The following HAUS1 variants were observed in gnomAD, a reference collection of about 807,000 sequenced individuals.
HAUS1 encodes HAUS augmin like complex subunit 1.
HAUS1 carries 25 observed loss-of-function variants against 38.6 expected under a neutral mutation model. The ratio of observed to expected loss-of-function variants is 0.65; its 90% CI spans 0.47 to 0.91. The LOEUF (loss-of-function observed/expected upper bound fraction) is 0.91. Among genes scored for constraint, HAUS1 ranks in the 40% least tolerant of loss-of-function variants. HAUS1 has a pLI of 0.00. For missense variants in HAUS1, 325 were observed against 328.4 expected (o/e 0.99, Z 0.08); for synonymous variants, 109 against 112.9 (o/e 0.97, Z 0.22).
At chr18:46,118,444 A>G in intron 3 of HAUS1, 128 bp downstream of exon 3, 2 of 794,032 alleles carry the variant, frequency 2.5e-6, no homozygotes, top group East Asian at 2.6e-5. Context: ...TAGTTACTTC[A>G]TGTCTTTGCC....
chr18:46,112,284 T>C (rs934983402), intron 2 of HAUS1, among the ~76,000 whole-genome samples: 3 of 132,250 alleles, frequency 2.3e-5, no homozygotes, highest in Admixed American at 8.2e-5. Flanking sequence ...ATATATAATA[T>C]ATAATGTGTA....
chr18:46,113,336 CA>C (rs1302688667), intron 2 of HAUS1, among the ~76,000 whole-genome samples: 1 of 151,940 alleles, frequency 6.6e-6, no homozygotes, highest in Non-Finnish European at 1.5e-5. Context: ...CTTGGCCTCC[CA>C]AAGTGCTGGG....
rs1305035588 is a variant in HAUS1, at chr18:46,122,532, A to G, written c.542A>G (p.Asn181Ser). Residue 181 changes from asparagine (N) to serine (S), a missense_variant, in exon 5 of 9, where the codon AAC (asparagine) becomes AGC (serine). Transcript: ENST00000282058. ...ERAKVDNRRQ[N>S]MDFLKAKSEE... ...GCCAAAGTTGATAATCGTCGTCAGA[A>G]CATGGACTTTCTAAAAGCAAAGTCA... 20 of 1,614,052 alleles carry G rather than the reference A, an allele frequency of 1.2e-5. No individual in the cohort carries two copies. The highest frequency in any genetic ancestry group is 1.7e-5 in the Non-Finnish European group (20 of 1,180,012).
At chr18:46,120,401 A>T in intron 4 of HAUS1, among the ~76,000 whole-genome samples, 1 of 150,668 alleles carries the variant, frequency 6.6e-6, no homozygotes, top group Non-Finnish European at 1.5e-5. Context: ...TGCCCAGCTA[A>T]TTTTGTATTT....
intron 6 of HAUS1, among the ~76,000 whole-genome samples, chr18:46,123,728 G>A (rs1388512314): frequency 6.6e-6 from 1 of 152,100 alleles, no homozygotes; most frequent in Non-Finnish European, 1.5e-5. Context: ...GTTACCAAAT[G>A]CAATTCTGGG....
chr18:46,122,021 T>C (rs9954133), intron 4 of HAUS1, among the ~76,000 whole-genome samples: 24,303 of 151,968 alleles, frequency 0.16, 2,723 homozygotes, highest in East Asian at 0.39. Context: ...TTTGTATTTT[T>C]AGTAAAGACA....
intron 8 of HAUS1, chr18:46,126,788 C>A (rs1323301330): frequency 6.7e-6 from 1 of 150,136 alleles, no homozygotes; most frequent in Admixed American, 6.7e-5. Context: ...CCATGCCTGG[C>A]TAATTTTTGC....
chr18:46,112,046 C>T (rs1413716328), intron 2 of HAUS1, among the ~76,000 whole-genome samples: 3 of 150,098 alleles, frequency 2.0e-5, no homozygotes, highest in East Asian at 2.0e-4. Context: ...CCACCACACC[C>T]GGCTAACTTT....
chr18:46,106,219 C>T (rs1245885040), intron 2 of HAUS1, among the ~76,000 whole-genome samples: 1 of 151,974 alleles, frequency 6.6e-6, no homozygotes, highest in Non-Finnish European at 1.5e-5. Context: ...GCCTGTAATC[C>T]CAGCACTTTG....
At chr18:46,121,637 A>G (rs1486826514) in intron 4 of HAUS1, 1 of 151,970 alleles carries the variant, frequency 6.6e-6, no homozygotes, top group Non-Finnish European at 1.5e-5. Flanking sequence ...CACTTCACAA[A>G]TTTACCCATC....
intron 2 of HAUS1, among the ~76,000 whole-genome samples, chr18:46,115,820 G>C (rs1911782811): frequency 6.6e-6 from 1 of 152,038 alleles, no homozygotes; most frequent in Admixed American, 6.6e-5. Context: ...ACACCATCAA[G>C]AATATGAAAA....
In HAUS1 at chr18:46,122,558, G is replaced by T; in HGVS notation, c.568G>T (p.Glu190Ter). 6.2e-7 allele frequency: 1 copy of T among 1,614,160 alleles called. No individual in the cohort carries two copies. The highest frequency in any genetic ancestry group is 8.5e-7 in the Non-Finnish European group (1 of 1,179,998). ...CATGGACTTTCTAAAAGCAAAGTCA[G>T]AGGAATTCAGATTTGGAATCAAGGC... ...QNMDFLKAKS[E>*]EFRFGIKAAE... The change falls in exon 5 of 9, where the codon GAG becomes TAG. Residue 190 changes from glutamate (E) to a stop codon, truncating the protein, a stop_gained. Coordinates refer to ENST00000282058, the MANE Select transcript of HAUS1 (RefSeq NM_138443.4). LOFTEE classifies it high-confidence loss of function.
chr18:46,113,392 C>G (rs1441474636), intron 2 of HAUS1, among the ~76,000 whole-genome samples: 1 of 152,044 alleles, frequency 6.6e-6, no homozygotes, highest in Non-Finnish European at 1.5e-5. Context: ...TATCTTTGAT[C>G]TATCTTCAAG....
At chr18:46,118,430 A>T in intron 3 of HAUS1, 114 bp downstream of exon 3, 5 of 925,866 alleles carry the variant, frequency 5.4e-6, no homozygotes, top group Non-Finnish European at 8.3e-6. Flanking sequence ...CAAAGCACTG[A>T]ATTTAGTTAC....
intron 2 of HAUS1, among the ~76,000 whole-genome samples, chr18:46,108,994 C>T (rs1911548611): frequency 6.7e-6 from 1 of 150,238 alleles, no homozygotes; most frequent in African/African-American, 2.5e-5. Context: ...TGGCATGAAC[C>T]TGGGAGGTGG....
chr18:46,113,200 C>G (rs368120639), intron 2 of HAUS1, among the ~76,000 whole-genome samples: 1 of 150,540 alleles, frequency 6.6e-6, no homozygotes, highest in East Asian at 1.9e-4. Flanking sequence ...CCTCAGTCTC[C>G]CAAGTAGCTG....
intron 7 of HAUS1, among the ~76,000 whole-genome samples, 172 bp downstream of exon 7, chr18:46,125,065 G>C (rs1311857640): frequency 6.6e-6 from 1 of 152,118 alleles, no homozygotes; most frequent in African/African-American, 2.4e-5. Flanking sequence ...TTAGAGACCA[G>C]CTTGGCTAAT....
At chr18:46,108,678 A>G (rs760798785) in intron 2 of HAUS1, among the ~76,000 whole-genome samples, 1 of 152,100 alleles carries the variant, frequency 6.6e-6, no homozygotes, top group Non-Finnish European at 1.5e-5. Context: ...GTTTGATTTC[A>G]TCTTTACCTG....
chr18:46,105,053 A>AG, intron 1 of HAUS1, 141 bp from the exon 2 acceptor site: 1 of 534,744 alleles, frequency 1.9e-6, no homozygotes, highest in Non-Finnish European at 3.4e-6. Context: ...ATCTCCCTAA[A>AG]GACAAGTGAG....
Sources: allele counts gnomAD v4.1 joint callset (sites outside exome capture counted in the v4.1 genomes callset), GRCh38; gene constraint gnomAD v4.1.1; transcripts MANE v1.5; gene names NCBI Gene and HGNC (gene_info 2026-07-23, HGNC 2026-07-21).